DENND5A: variants seen among roughly 807,000 people sequenced by gnomAD.
DENND5A encodes DENN domain containing 5A.
A neutral mutation model predicts 140.3 loss-of-function variants in DENND5A; 64 were observed. The ratio of observed to expected loss-of-function variants is 0.46; its 90% CI spans 0.37 to 0.56. The LOEUF is 0.56. Ranked by LOEUF, DENND5A falls within the 20% of genes least tolerant of loss-of-function variation. The pLI is 0.00. For synonymous variants in DENND5A, 605 were observed against 607.7 expected (o/e 1.00, Z 0.07); for missense variants, 1,292 against 1,593.8 (o/e 0.81, Z 3.22).
chr11:9,234,519 CCCCCAAAATCTGGCCATAAACTG>C (rs1200147316), intron 1 of DENND5A, among the ~76,000 whole-genome samples: 4 of 151,972 alleles, frequency 2.6e-5, no homozygotes, highest in Non-Finnish European at 5.9e-5. Flanking sequence ...GGGAACAGGC[CCCCCAAAATCTGGCCATAAACTG>C]GCCCCAAAAC....
chr11:9,254,209 C>T (rs1370499955), intron 1 of DENND5A, among the ~76,000 whole-genome samples: 1 of 150,644 alleles, frequency 6.6e-6, no homozygotes, highest in Non-Finnish European at 1.5e-5. Flanking sequence ...GCCTGTAGTC[C>T]CAAGTACTCA....
intron 5 of DENND5A, among the ~76,000 whole-genome samples, chr11:9,191,556 A>T (rs908666417): frequency 6.6e-6 from 1 of 152,142 alleles, no homozygotes; most frequent in Non-Finnish European, 1.5e-5. Context: ...TGGGTTTCTT[A>T]AACAACCCAT....
At position 9,265,005 on chromosome 11, in the gene DENND5A, C is replaced by A; in HGVS notation, c.65G>T (p.Cys22Phe). The A allele has an allele frequency of 6.3e-7, 1 of 1,589,222 alleles. No individual in the cohort carries two copies. Among genetic ancestry groups the A allele is most frequent in the Non-Finnish European group, 8.5e-7 (1 of 1,170,144 alleles). ...CAGCCCGGTCTCCGTGTCCAGTCCG[C>A]AGATGACAAAGTAGTCGGCGAAGCG... ...PSRFADYFVI[C>F]GLDTETGLEP... is the part of the protein sequence containing the mutation. Residue 22 changes from cysteine to phenylalanine, a missense_variant, in exon 1 of 23, where the codon TGC (cysteine) becomes TTC (phenylalanine). This residue lies in a region of DENND5A where 566 missense variants were observed against 650.4 expected (regional missense o/e 0.87). Coordinates refer to ENST00000328194, the MANE Select transcript of DENND5A (RefSeq NM_015213.4). This position sits in a 1 kb window ranked among gnomAD's most constrained non-coding sequence, Gnocchi z 4.7.
chr11:9,188,263 C>A (rs1302389244), intron 5 of DENND5A, among the ~76,000 whole-genome samples: 1 of 152,190 alleles, frequency 6.6e-6, no homozygotes, highest in African/African-American at 2.4e-5. Context: ...ATGATTTGCT[C>A]CTCCTTGCCT....
chr11:9,157,602 T>C (rs1010959505), intron 12 of DENND5A, among the ~76,000 whole-genome samples: 8 of 152,188 alleles, frequency 5.3e-5, no homozygotes, highest in African/African-American at 1.7e-4. Flanking sequence ...TCTGTTCCTA[T>C]ATGAGTTCAC....
At chr11:9,261,777 CAAAA>C (rs10651988) in intron 1 of DENND5A, among the ~76,000 whole-genome samples, 1 of 89,816 alleles carries the variant, frequency 1.1e-5, no homozygotes, top group East Asian at 3.7e-4. Flanking sequence ...GACTGTGTCT[CAAAA>C]AAAAAAAAAA....
rs370855273 is a variant in DENND5A, at chr11:9,144,291, C to T, written c.3123-13G>A. On this transcript the variant is annotated splice_polypyrimidine_tract_variant and intron_variant, in intron 18 of 22. Coordinates refer to ENST00000328194, the MANE Select transcript of DENND5A (RefSeq NM_015213.4). ...GCCACACGGGAACCTGAAGATCAGA[C>T]AATGGACTGTCAGAGCAGCCAGCTC... is the stretch of plus-strand genomic sequence containing the variant. 3 of 1,613,304 alleles carry T rather than the reference C, an allele frequency of 1.9e-6. No individual in the cohort carries two copies. Among genetic ancestry groups the T allele is most frequent in the African/African-American group, 1.3e-5 (1 of 74,998 alleles).
chr11:9,243,024 G>C (rs1021446590), intron 1 of DENND5A, among the ~76,000 whole-genome samples: 15 of 142,368 alleles, frequency 1.1e-4, no homozygotes, highest in Admixed American at 2.3e-4. Context: ...GGAGGCAGAA[G>C]TTGCAGTGAG....
At chr11:9,165,150 C>T (rs1035055633) in intron 11 of DENND5A, among the ~76,000 whole-genome samples, 1 of 152,062 alleles carries the variant, frequency 6.6e-6, no homozygotes, top group Non-Finnish European at 1.5e-5. Context: ...CAGGTGCATG[C>T]CACCACGCCC....
intron 1 of DENND5A, among the ~76,000 whole-genome samples, chr11:9,219,263 G>A (rs966000419): frequency 6.6e-6 from 1 of 152,082 alleles, no homozygotes; most frequent in African/African-American, 2.4e-5. Flanking sequence ...GACACGTCAT[G>A]ATGTAATTTC....
intron 9 of DENND5A, 93 bp downstream of exon 9, chr11:9,170,534 A>G (rs1848335199): frequency 2.0e-6 from 3 of 1,467,284 alleles, no homozygotes. Flanking sequence ...AGAAAAGTAC[A>G]AGGTCTTCTA....
intron 15 of DENND5A, among the ~76,000 whole-genome samples, chr11:9,149,763 G>T (rs1358771528): frequency 6.6e-6 from 1 of 152,144 alleles, no homozygotes; most frequent in Non-Finnish European, 1.5e-5. Context: ...AAGAGACAAA[G>T]GAAACGCCTT....
At position 9,170,739 on chromosome 11, in the gene DENND5A, T is replaced by C; in HGVS notation, c.1945A>G (p.Thr649Ala). 1.2e-6 allele frequency: 2 copies of C among 1,613,860 alleles called. No individual in the cohort carries two copies. Among genetic ancestry groups the C allele is most frequent in the African/African-American group, 1.3e-5 (1 of 74,924 alleles). The change falls in exon 9 of 23, where the codon ACT becomes GCT. Residue 649 changes from threonine (T) to alanine (A), a missense_variant. Thr to Ala is a moderately conservative substitution (Grantham distance 58, BLOSUM62 0). This residue lies in a region of DENND5A where 199 missense variants were observed against 189.1 expected (regional missense o/e 1.05). Coordinates refer to ENST00000328194, the MANE Select transcript of DENND5A (RefSeq NM_015213.4). ...TCAAGTAAATGTGGGTGAATTGCAG[T>C]ATGGTCAATTTTTGCCAGACGCAGC... ...IELRLAKIDH[T>A]AIHPHLLDMK...
At chr11:9,229,274 G>C (rs978978132) in intron 1 of DENND5A, among the ~76,000 whole-genome samples, 1 of 152,038 alleles carries the variant, frequency 6.6e-6, no homozygotes. Flanking sequence ...TTATCACAGA[G>C]ACCTTGGCCA....
chr11:9,220,621 G>C (rs2873070), intron 1 of DENND5A, among the ~76,000 whole-genome samples: 43,094 of 151,192 alleles, frequency 0.29, 6,752 homozygotes, highest in South Asian at 0.5. Context: ...GCCGGGCACA[G>C]GTGGCTCACA....
At chr11:9,220,408 G>T (rs1180590490) in intron 1 of DENND5A, among the ~76,000 whole-genome samples, 1 of 152,024 alleles carries the variant, frequency 6.6e-6, no homozygotes, top group East Asian at 1.9e-4. Flanking sequence ...TTAGCCGGGC[G>T]TGGTGGCACA....
At chr11:9,155,957 G>A (rs559855525) in intron 12 of DENND5A, among the ~76,000 whole-genome samples, 1 of 152,316 alleles carries the variant, frequency 6.6e-6, no homozygotes, top group African/African-American at 2.4e-5. Context: ...TCTACTTTCT[G>A]AGCAGATAAT....
At chr11:9,140,438 A>T (rs1847198928) in intron 22 of DENND5A, among the ~76,000 whole-genome samples, 1 of 152,184 alleles carries the variant, frequency 6.6e-6, no homozygotes, top group Non-Finnish European at 1.5e-5. Context: ...ATGCAGCCTG[A>T]ATAAACTGCC....
intron 4 of DENND5A, among the ~76,000 whole-genome samples, chr11:9,199,193 T>G (rs1849442286): frequency 6.6e-6 from 1 of 151,684 alleles, no homozygotes; most frequent in Admixed American, 6.6e-5. Context: ...AGAGCTTCTG[T>G]TCTGCATATA....
Sources: allele counts gnomAD v4.1 joint callset (sites outside exome capture counted in the v4.1 genomes callset), GRCh38; gene constraint gnomAD v4.1.1; regional missense constraint gnomAD v4.1.1; non-coding constraint Gnocchi (gnomAD v3.1); transcripts MANE v1.5; gene names NCBI Gene and HGNC (gene_info 2026-07-23, HGNC 2026-07-21).